The following PPA1 variants were observed in gnomAD, a reference collection of about 807,000 sequenced individuals.
The protein encoded by PPA1 is inorganic pyrophosphatase 1, also known as inorganic pyrophosphatase.
In PPA1, 23 loss-of-function variants were observed where a neutral mutation model predicts 41.8. That is an observed-to-expected ratio of 0.55 (90% CI 0.40 to 0.78). The LOEUF is 0.78. Ranked by LOEUF, PPA1 falls within the 30% of genes least tolerant of loss-of-function variation. PPA1 has a pLI of 0.00. For missense variants in PPA1, 320 were observed against 361.6 expected, an observed-to-expected ratio of 0.89 and a Z score of 0.93; for synonymous variants, 101 against 116.8, an observed-to-expected ratio of 0.86 and a Z score of 0.87.
chr10:70,217,976 T>C, intron 3 of PPA1, 45 bp from the exon 4 acceptor site: 1 of 1,463,652 alleles, frequency 6.8e-7, no homozygotes, highest in Non-Finnish European at 9.3e-7. Flanking sequence ...GGATGTGAAA[T>C]ACTATTCAAA....
chr10:70,221,490 T>C (rs1486887810), intron 2 of PPA1, among the ~76,000 whole-genome samples: 1 of 152,140 alleles, frequency 6.6e-6, no homozygotes, highest in East Asian at 1.9e-4. Flanking sequence ...CTATCCCTGT[T>C]TCCCTCTAAA....
Position 70,209,585 on chromosome 10 carries a change from A to T in PPA1, c.612T>A (p.Phe204Leu). The part of the protein sequence containing the change: ...KVPDGKPENE[F>L]AFNAEFKDKD... ...TATCTTTAAATTCTGCATTAAACGC[A>T]AACTCATTTTCTGGTTTTCCATCAG... Residue 204 changes from phenylalanine (F) to leucine (L), a missense_variant, in exon 7 of 11, where the codon TTT becomes TTA. Coordinates refer to ENST00000373232, the MANE Select transcript of PPA1 (RefSeq NM_021129.4). 1 of 1,604,848 alleles carries T rather than the reference A, an allele frequency of 6.2e-7. No individual in the cohort carries two copies. Among genetic ancestry groups the T allele is most frequent in the South Asian group, 1.1e-5 (1 of 88,390 alleles).
rs1293619537 is a variant in PPA1 at position 70,220,623 on chromosome 10, T to A, written c.124-1806A>T. ...AATTTATATATATATTATATATAAT[T>A]TATATATATATAATATATATAATTT... is the stretch of plus-strand genomic sequence containing the variant. On this transcript the variant is annotated intron_variant, in intron 2 of 10. Transcript: ENST00000373232. Among the ~76,000 whole-genome samples, 5 of 2,850 alleles carry A rather than the reference T, an allele frequency of 1.8e-3. 2 individuals are homozygous for A. The highest frequency in any genetic ancestry group is 3.7e-3 in the Non-Finnish European group (5 of 1,366). 1.9% of individuals were successfully genotyped at this position (2,850 alleles called of 152,430 possible).
Position 70,206,275 on chromosome 10 carries a change from TG to T in PPA1, c.783del (p.Ile262LeufsTer65). The T allele has an allele frequency of 6.2e-7, 1 of 1,612,266 alleles. No individual in the cohort carries two copies. Among genetic ancestry groups the T allele is most frequent in the African/African-American group, 1.3e-5 (1 of 74,966 alleles). On this transcript the variant is annotated frameshift_variant, in exon 9 of 11. Transcript: ENST00000373232. LOFTEE classifies it high-confidence loss of function. ...AAACTTTTACATACAGCATCCACAA[TG>T]GCTCTGGCAGCATCAGGATCACACT... The part of the protein sequence containing the change: ...PFKCDPDAAR[A>X]IVDALPPPCE...
Position 70,218,424 on chromosome 10 carries a change from T to A in PPA1, c.177+340A>T, listed in dbSNP as rs533096484. The A allele has an allele frequency of 2.4e-4, 54 of 228,146 alleles. No individual in the cohort carries two copies. In the East Asian group the frequency reaches 5.3e-3, roughly 22 times the overall value. 14.1% of individuals were successfully genotyped at this position (228,146 alleles called of 1,614,324 possible). On this transcript the variant is annotated intron_variant, in intron 3 of 10. Transcript: ENST00000373232. ...TATCATCAGAAAGAAACTAACACCA[T>A]GCAACTGAAATTCCAATGAGAGTAT...
chr10:70,209,667 C>T lies in PPA1; in HGVS notation c.530G>A (p.Arg177Gln), dbSNP rs1487406557. 9 of 1,599,670 alleles carry T rather than the reference C, an allele frequency of 5.6e-6. No homozygotes were observed. Among genetic ancestry groups the T allele is most frequent in the South Asian group, 1.1e-5 (1 of 89,166 alleles). ...ANYNDINDVK[R>Q]LKPGYLEATV... ...AGCTTCTAAGTAGCCAGGTTTCAGC[C>T]GTTTGACATCATTGATATCTAAGAA... The change falls in exon 7 of 11, where the codon CGG (arginine) becomes CAG (glutamine). Residue 177 changes from arginine to glutamine, a missense_variant. By Grantham distance (43) the Arg-to-Gln change is conservative. Transcript: ENST00000373232.
Position 70,233,253 on chromosome 10 carries a change from C to A in PPA1, c.64+11G>T. 1.3e-6 allele frequency: 2 copies of A among 1,536,804 alleles called. No individual in the cohort carries two copies. The highest frequency in any genetic ancestry group is 1.8e-6 in the Non-Finnish European group (2 of 1,142,226). ...ACGGGCGCGGAGGGGCCACGGGCCG[C>A]AGACACTCACTGAGGAAGACTCGGT... On this transcript the variant is annotated intron_variant, in intron 1 of 10. Coordinates refer to ENST00000373232, the MANE Select transcript of PPA1 (RefSeq NM_021129.4).
intron 1 of PPA1, 108 bp downstream of exon 1, chr10:70,233,156 C>G (rs1169432547): frequency 8.0e-7 from 1 of 1,246,708 alleles, no homozygotes; most frequent in East Asian, 3.0e-5. Flanking sequence ...GAGACGGGCC[C>G]GCGTCGGAGA....
chr10:70,220,659 TATATATAATTTATATATATATA>T (rs1840137292), intron 2 of PPA1, among the ~76,000 whole-genome samples: 7 of 1,880 alleles, frequency 3.7e-3, no homozygotes, highest in Non-Finnish European at 5.0e-3. Flanking sequence ...ATATATATAT[TATATATAATTTATATATATATA>T]ATATATATAA....
chr10:70,221,055 AATTTATATATATATATATATATTTTT>A (rs1840157179), intron 2 of PPA1, among the ~76,000 whole-genome samples: 1 of 41,668 alleles, frequency 2.4e-5, no homozygotes, highest in African/African-American at 2.2e-4. Context: ...ATATATATAT[AATTTATATATATATATATATATTTTT>A]TTTTTTTTTT....
chr10:70,221,763 T>G (rs1589896531), intron 2 of PPA1, among the ~76,000 whole-genome samples: 1 of 152,202 alleles, frequency 6.6e-6, no homozygotes, highest in East Asian at 1.9e-4. Flanking sequence ...AGATTAGCTG[T>G]TAATTTCGTT....
At chr10:70,222,450 C>T (rs1250608306) in intron 2 of PPA1, among the ~76,000 whole-genome samples, 2 of 151,804 alleles carry the variant, frequency 1.3e-5, no homozygotes, top group Admixed American at 6.6e-5. Flanking sequence ...TTGTGAACCA[C>T]CAGGATGTGC....
intron 2 of PPA1, among the ~76,000 whole-genome samples, chr10:70,220,434 A>G (rs1199101177): frequency 7.5e-6 from 1 of 133,138 alleles, no homozygotes; most frequent in Non-Finnish European, 1.5e-5. Context: ...GTGTGTGTGT[A>G]TATGTATATA....
At position 70,203,087 on chromosome 10, in the gene PPA1, C is replaced by T. The variant is rs1015825531; in HGVS notation, c.*68G>A. 9.4e-6 allele frequency: 14 copies of T among 1,490,258 alleles called. No individual in the cohort carries two copies. Among genetic ancestry groups the T allele is most frequent in the Middle Eastern group, 2.1e-4 (1 of 4,722 alleles). 92.3% of individuals were successfully genotyped at this position (1,490,258 alleles called of 1,614,324 possible). ...AATTTAAAGCTTTGAAAAGCTACTA[C>T]TTTTACTTCTAATACATCCAGATGA... On this transcript the variant is annotated 3_prime_UTR_variant, in exon 11 of 11. Coordinates refer to ENST00000373232, the MANE Select transcript of PPA1 (RefSeq NM_021129.4).
At chr10:70,212,155 G>A (rs1401355342) in intron 6 of PPA1, among the ~76,000 whole-genome samples, 1 of 152,148 alleles carries the variant, frequency 6.6e-6, no homozygotes, top group African/African-American at 2.4e-5. Flanking sequence ...CCTTGAGAAT[G>A]GAGTATCTGC....
At chr10:70,215,126 C>G (rs1296297793) in intron 4 of PPA1, among the ~76,000 whole-genome samples, 3 of 152,136 alleles carry the variant, frequency 2.0e-5, no homozygotes, top group Non-Finnish European at 2.9e-5. Flanking sequence ...ACCCAGGAAG[C>G]AGAGGTTGCA....
chr10:70,220,538 TTTTTATGTATAATATATA>T (rs1466473817), intron 2 of PPA1, among the ~76,000 whole-genome samples: 1 of 24,686 alleles, frequency 4.1e-5, no homozygotes, highest in Non-Finnish European at 6.1e-5. Flanking sequence ...TTATATATAA[TTTTTATGTATAATATATA>T]TATAATTATA....
intron 4 of PPA1, among the ~76,000 whole-genome samples, 170 bp from the exon 5 acceptor site, chr10:70,214,756 G>A (rs1840060363): frequency 6.6e-6 from 1 of 152,144 alleles, no homozygotes; most frequent in South Asian, 2.1e-4. Context: ...ATTAAATGCT[G>A]TAGCTCCTAC....
chr10:70,229,018 A>T (rs1840259991), intron 2 of PPA1, among the ~76,000 whole-genome samples: 1 of 152,232 alleles, frequency 6.6e-6, no homozygotes, highest in African/African-American at 2.4e-5. Flanking sequence ...AAACCTTTGT[A>T]CTCAATGTGA....
Sources: gnomAD v4.1 joint callset for allele counts (sites outside exome capture counted in the v4.1 genomes callset) on GRCh38, gnomAD v4.1.1 for gene constraint, MANE v1.5 for transcripts, NCBI Gene and HGNC (gene_info 2026-07-23, HGNC 2026-07-21) for gene names.